Variants in LYPD1 observed in about 807,000 individuals in gnomAD.
LYPD1 encodes ly6/PLAUR domain-containing protein 1.
Under a neutral mutation model 14.2 loss-of-function variants are expected in LYPD1, and 14 were observed. The observed-to-expected ratio is 0.99, with a 90% CI of 0.65 to 1.54. The LOEUF is 1.54. Among genes scored for constraint, LYPD1 ranks in the 40% most tolerant of loss-of-function variants. The pLI, the probability that LYPD1 is intolerant of heterozygous loss-of-function variation, is 0.00. For synonymous variants in LYPD1, 85 were observed against 70.6 expected, an observed-to-expected ratio of 1.20 and a Z score of -1.02; for missense variants, 165 against 175.7, an observed-to-expected ratio of 0.94 and a Z score of 0.34.
intron 2 of LYPD1, among the ~76,000 whole-genome samples, chr2:132,666,296 A>T (rs1158098272): frequency 6.6e-6 from 1 of 152,208 alleles, no homozygotes; most frequent in African/African-American, 2.4e-5. Context: ...TTGGAGGTAT[A>T]AGGCCCCCCT....
At chr2:132,666,136 C>A (rs1216828526) in intron 2 of LYPD1, among the ~76,000 whole-genome samples, 1 of 152,146 alleles carries the variant, frequency 6.6e-6, no homozygotes, top group Non-Finnish European at 1.5e-5. Context: ...GAGTCAGATG[C>A]CTTGGGCGCT....
intron 2 of LYPD1, among the ~76,000 whole-genome samples, chr2:132,655,963 C>T (rs1682572589): frequency 6.6e-6 from 1 of 152,214 alleles, no homozygotes; most frequent in African/African-American, 2.4e-5. Flanking sequence ...CCCCCCTCCA[C>T]TCCCCTACAG....
intron 2 of LYPD1, among the ~76,000 whole-genome samples, chr2:132,654,481 GTGAAATACGCT>G (rs1398115395): frequency 6.6e-6 from 1 of 152,068 alleles, no homozygotes; most frequent in Non-Finnish European, 1.5e-5. Context: ...AACAAATGCA[GTGAAATACGCT>G]TGACCACTCT....
intron 2 of LYPD1, among the ~76,000 whole-genome samples, chr2:132,653,862 A>G (rs919433785): frequency 6.6e-6 from 1 of 152,258 alleles, no homozygotes. Context: ...ATGAGAAAAC[A>G]GCAGACAATC....
chr2:132,655,636 T>C (rs1463927328), intron 2 of LYPD1, among the ~76,000 whole-genome samples: 1 of 149,366 alleles, frequency 6.7e-6, no homozygotes, highest in Non-Finnish European at 1.5e-5. Context: ...TGCCTCAGCC[T>C]CCCAAGTAGC....
chr2:132,659,806 G>A (rs2104915998), intron 2 of LYPD1, among the ~76,000 whole-genome samples: 1 of 152,278 alleles, frequency 6.6e-6, no homozygotes, highest in East Asian at 1.9e-4. Context: ...GTCTTCACTG[G>A]GTGGCAGACT....
chr2:132,651,934 A>G (rs1337079613), intron 2 of LYPD1, among the ~76,000 whole-genome samples: 1 of 152,208 alleles, frequency 6.6e-6, no homozygotes. Context: ...AACATGAGAC[A>G]GGTTTGGCAA....
chr2:132,656,415 A>G (rs773724090), intron 2 of LYPD1, among the ~76,000 whole-genome samples: 14 of 152,252 alleles, frequency 9.2e-5, no homozygotes, highest in Non-Finnish European at 1.9e-4. Flanking sequence ...GACTAGGAAC[A>G]GTTCCTCAAA....
chr2:132,655,199 A>G (rs1356843341), intron 2 of LYPD1, among the ~76,000 whole-genome samples: 1 of 152,174 alleles, frequency 6.6e-6, no homozygotes, highest in African/African-American at 2.4e-5. Context: ...TCTCAGGGCA[A>G]GAAACTTCCC....
At chr2:132,650,182 A>G (rs1393614085) in intron 2 of LYPD1, among the ~76,000 whole-genome samples, 1 of 152,232 alleles carries the variant, frequency 6.6e-6, no homozygotes, top group East Asian at 1.9e-4. Flanking sequence ...CAGTTCACAG[A>G]AAACGCAACA....
intron 2 of LYPD1, among the ~76,000 whole-genome samples, chr2:132,666,031 G>C (rs1284952070): frequency 6.6e-6 from 1 of 152,136 alleles, no homozygotes; most frequent in Non-Finnish European, 1.5e-5. Context: ...CCATGTAATA[G>C]AATTACATGC....
intron 2 of LYPD1, among the ~76,000 whole-genome samples, chr2:132,653,358 T>C (rs534160946): frequency 8.5e-5 from 13 of 152,316 alleles, no homozygotes; most frequent in African/African-American, 3.1e-4. Context: ...GCTGGAGCAA[T>C]TTGAGCAACA....
At chr2:132,653,872 C>G (rs1281945507) in intron 2 of LYPD1, among the ~76,000 whole-genome samples, 1 of 152,166 alleles carries the variant, frequency 6.6e-6, no homozygotes, top group Non-Finnish European at 1.5e-5. Context: ...AGCAGACAAT[C>G]CCAAACTGAG....
rs1288453213 is a variant in LYPD1, at chr2:132,668,461, A to G, written c.129T>C (p.Ile43=). ...CTTGAACGTTCACCGTGCAATTCAC[A>G]ATGAACTCGGGGGAGGAGCAGTCGT... ...LNNDCSSPEF[I]VNCTVNVQDM... Residue 43 remains isoleucine (I), a synonymous_variant, in exon 2 of 3, where the codon ATT becomes ATC. Coordinates refer to ENST00000397463, the MANE Select transcript of LYPD1 (RefSeq NM_144586.7). 1 of 1,610,982 alleles carries G rather than the reference A, an allele frequency of 6.2e-7. No homozygotes were observed.
At chr2:132,666,636 A>G (rs1683291041) in intron 2 of LYPD1, 1 of 152,186 alleles carries the variant, frequency 6.6e-6, no homozygotes, top group Non-Finnish European at 1.5e-5. Flanking sequence ...TGTGGATAAA[A>G]TGGAAGTTAA....
rs1683593428 is a variant in LYPD1, at chr2:132,670,145, C to G, written c.-213G>C. The G allele has an allele frequency of 7.2e-7, 1 of 1,380,402 alleles. No homozygotes were observed. The highest frequency in any genetic ancestry group is 3.5e-5 in the Admixed American group (1 of 28,226). 85.5% of individuals were successfully genotyped at this position (1,380,402 alleles called of 1,614,324 possible). A position where few individuals can be genotyped will look rare whatever the true frequency, so the allele number is the denominator to read the frequency against. ...GGCTCCCGGCTGCGGGTCTCTGCTC[C>G]TCCCGCTCGCGCTCCCGGGCCGAGC... On this transcript the variant is annotated 5_prime_UTR_variant, in exon 1 of 3. Coordinates refer to ENST00000397463, the MANE Select transcript of LYPD1 (RefSeq NM_144586.7). The surrounding 1 kb of genome is among the most constrained non-coding windows in gnomAD (Gnocchi z 4.5).
At position 132,658,166 on chromosome 2, in the gene LYPD1, G is replaced by A. The variant is rs147055147; in HGVS notation, c.190+10234C>T. ...GAGGCAAGAAACCTGAGGACAAAAA[G>A]CCAACATGCTTAGGGAAGTAAGAAG... On this transcript the variant is annotated intron_variant, in intron 2 of 2. Coordinates refer to ENST00000397463, the MANE Select transcript of LYPD1 (RefSeq NM_144586.7). Among the ~76,000 whole-genome samples, 956 of 152,318 alleles carry A rather than the reference G, an allele frequency of 6.3e-3. 11 individuals are homozygous for A. Among genetic ancestry groups the A allele is most frequent in the African/African-American group, 0.021 (890 of 41,560 alleles).
intron 1 of LYPD1, 69 bp from the exon 2 acceptor site, chr2:132,668,606 C>T: frequency 1.9e-6 from 3 of 1,582,448 alleles, no homozygotes; most frequent in Middle Eastern, 2.1e-4. Flanking sequence ...CACGACCATC[C>T]CACGCCTCAG....
intron 2 of LYPD1, among the ~76,000 whole-genome samples, chr2:132,653,880 GA>G (rs1682445816): frequency 6.6e-6 from 1 of 152,160 alleles, no homozygotes; most frequent in Admixed American, 6.5e-5. Flanking sequence ...ATCCCAAACT[GA>G]GGGACAGTGT....
Sources: allele counts gnomAD v4.1 joint callset (sites outside exome capture counted in the v4.1 genomes callset), GRCh38; gene constraint gnomAD v4.1.1; non-coding constraint Gnocchi (gnomAD v3.1); transcripts MANE v1.5; gene names NCBI Gene and HGNC (gene_info 2026-07-23, HGNC 2026-07-21).